The following IRAK3 variants were observed in gnomAD, a reference collection of about 807,000 sequenced individuals.
The protein encoded by IRAK3 is interleukin 1 receptor associated kinase 3.
A neutral mutation model predicts 56.6 loss-of-function variants in IRAK3; 57 were observed. The ratio of observed to expected loss-of-function variants is 1.01; its 90% CI spans 0.81 to 1.26. IRAK3 has a LOEUF of 1.26. Ranked by LOEUF, IRAK3 falls within the 50% of genes most tolerant of loss-of-function variation. IRAK3 has a pLI of 0.00. For missense variants in IRAK3, 703 were observed against 719.0 expected (o/e 0.98, Z 0.25); for synonymous variants, 258 against 255.7 (o/e 1.01, Z -0.09).
intron 5 of IRAK3, 66 bp from the exon 6 acceptor site, chr12:66,217,105 C>T: frequency 8.7e-7 from 1 of 1,151,094 alleles, no homozygotes; most frequent in Non-Finnish European, 1.3e-6. Context: ...GACTATAGAC[C>T]CTGGGTTAAG....
At chr12:66,229,088 G>A (rs1299796842) in intron 8 of IRAK3, among the ~76,000 whole-genome samples, 1 of 152,126 alleles carries the variant, frequency 6.6e-6, no homozygotes, top group African/African-American at 2.4e-5. Flanking sequence ...CTTAAATGGG[G>A]ATTCCTAGCA....
intron 1 of IRAK3, among the ~76,000 whole-genome samples, chr12:66,198,882 G>A (rs1244294330): frequency 6.6e-6 from 1 of 151,412 alleles, no homozygotes; most frequent in East Asian, 1.9e-4. Flanking sequence ...CAGCTACCGA[G>A]TAGTTAGGAC....
intron 2 of IRAK3, among the ~76,000 whole-genome samples, chr12:66,208,760 CA>C (rs1190652234): frequency 1.5e-4 from 19 of 128,780 alleles, no homozygotes; most frequent in East Asian, 6.9e-4. Flanking sequence ...GACTCTGTCT[CA>C]AAAAAAAAAG....
chr12:66,246,925 A>G (rs940284033), intron 11 of IRAK3, among the ~76,000 whole-genome samples: 1 of 152,146 alleles, frequency 6.6e-6, no homozygotes, highest in Non-Finnish European at 1.5e-5. Context: ...TTTGAATGAC[A>G]ATCTCTATGT....
rs558924366 is a variant in IRAK3 at position 66,197,099 on chromosome 12, C to G, written c.134-6612C>G. ...TCAAGGACTTTTGAGCATCTGATTT[C>G]TGAACTTCTTAGGTTGACTTTTTGG... On this transcript the variant is annotated intron_variant, in intron 1 of 11. Coordinates refer to ENST00000261233, the MANE Select transcript of IRAK3 (RefSeq NM_007199.3). 65 of 1,324,762 alleles carry G rather than the reference C, an allele frequency of 4.9e-5. No individual in the cohort carries two copies. The African/African-American group carries it at 6.8e-4, about 14-fold the overall frequency. The allele number at this position is 1,324,762 out of a possible 1,614,324, so 82.1% of individuals were successfully genotyped here. A position where few individuals can be genotyped will look rare whatever the true frequency, so the allele number is the denominator to read the frequency against.
At chr12:66,218,143 GTAT>G (rs1337561326) in intron 6 of IRAK3, among the ~76,000 whole-genome samples, 3 of 152,124 alleles carry the variant, frequency 2.0e-5, no homozygotes, top group African/African-American at 7.2e-5. Flanking sequence ...CAAAGTAACA[GTAT>G]TACCAGTTCC....
chr12:66,212,825 A>G lies in IRAK3; in HGVS notation c.588+1228A>G, dbSNP rs1033283886. 2.0e-5 allele frequency among the ~76,000 whole-genome samples: 3 copies of G among 152,136 alleles called. No homozygotes were observed. The South Asian group carries it at 6.2e-4, about 32-fold the overall frequency. ...TCTCACTTGTAAGTGGGAGTTGAACAATAAGAACACATGGACACAGAGGGG... is the reference window on the plus strand; with the variant it reads ...TCTCACTTGTAAGTGGGAGTTGAACGATAAGAACACATGGACACAGAGGGG... On this transcript the variant is annotated intron_variant, in intron 5 of 11. Transcript: ENST00000261233.
At chr12:66,229,139 G>C (rs2052818709) in intron 8 of IRAK3, among the ~76,000 whole-genome samples, 1 of 152,170 alleles carries the variant, frequency 6.6e-6, no homozygotes, top group Non-Finnish European at 1.5e-5. Context: ...GTTTGTCCTT[G>C]AGTCTCCAGT....
intron 2 of IRAK3, among the ~76,000 whole-genome samples, chr12:66,206,941 T>C (rs1794746157): frequency 6.6e-6 from 1 of 152,214 alleles, no homozygotes; most frequent in African/African-American, 2.4e-5. Context: ...ATAGTTTGTG[T>C]CTTCCTAGAA....
Position 66,210,045 on chromosome 12 carries a change from G to A in IRAK3, c.382-102G>A, listed in dbSNP as rs1307987199. 11 of 762,266 alleles carry A rather than the reference G, an allele frequency of 1.4e-5. 1 individual carries two copies. In the East Asian group the frequency reaches 1.5e-4, roughly 10 times the overall value. The allele number at this position is 762,266 out of a possible 1,614,324, so 47.2% of individuals were successfully genotyped here. On this transcript the variant is annotated intron_variant, in intron 3 of 11. Coordinates refer to ENST00000261233, the MANE Select transcript of IRAK3 (RefSeq NM_007199.3). Reference sequence around the variant, plus strand: ...TTTCTTTTAAATTAGGTTGCACTCTGTTGCACTGCATAGTCCCCAGGGAGC... The same window carrying A: ...TTTCTTTTAAATTAGGTTGCACTCTATTGCACTGCATAGTCCCCAGGGAGC...
intron 1 of IRAK3, chr12:66,197,822 C>T (rs2052469299): frequency 5.1e-6 from 5 of 985,174 alleles, no homozygotes; most frequent in Middle Eastern, 5.2e-4. Flanking sequence ...TAAGGGAAAG[C>T]ATCTGATATT....
chr12:66,216,793 T>C lies in IRAK3; in HGVS notation c.589-378T>C, dbSNP rs562654850. ...TCATAAACACCAAATTAGTGAAATT[T>C]TGTAGCAGAATAGAAATAACACAAG... On this transcript the variant is annotated intron_variant, in intron 5 of 11. Coordinates refer to ENST00000261233, the MANE Select transcript of IRAK3 (RefSeq NM_007199.3). Among the ~76,000 whole-genome samples, 8 of 152,308 alleles carry C rather than the reference T, an allele frequency of 5.3e-5. No individual in the cohort carries two copies. In the East Asian group the frequency reaches 1.5e-3, roughly 29 times the overall value.
At chr12:66,234,175 CAT>C (rs779091872) in intron 8 of IRAK3, 5 of 1,614,170 alleles carry the variant, frequency 3.1e-6, no homozygotes, top group Non-Finnish European at 4.2e-6. Flanking sequence ...CTGTCGTCTG[CAT>C]ATGTTCATAC....
At chr12:66,189,515 G>A (rs1565795878) in intron 1 of IRAK3, 83 bp downstream of exon 1, 2 of 950,432 alleles carry the variant, frequency 2.1e-6, no homozygotes, top group African/African-American at 1.7e-5. Flanking sequence ...GCATGGCTGG[G>A]GTCCCTCGCG....
At position 66,234,092 on chromosome 12, in the gene IRAK3, G is replaced by A. The variant is rs2052875895; in HGVS notation, c.887+5722G>A. On this transcript the variant is annotated intron_variant, in intron 8 of 11. Coordinates refer to ENST00000261233, the MANE Select transcript of IRAK3 (RefSeq NM_007199.3). ...TCACAGTTACTTATTAGGTTGAAAGGTATATGGAGAATGGTCATTAGACGT... is the reference window on the plus strand; with the variant it reads ...TCACAGTTACTTATTAGGTTGAAAGATATATGGAGAATGGTCATTAGACGT... The A allele has an allele frequency of 2.5e-6, 4 of 1,613,920 alleles. No homozygotes were observed. In the South Asian group the frequency reaches 3.3e-5, roughly 13 times the overall value.
chr12:66,207,611 G>T (rs1422549480), intron 2 of IRAK3, among the ~76,000 whole-genome samples: 1 of 151,902 alleles, frequency 6.6e-6, no homozygotes, highest in African/African-American at 2.4e-5. Context: ...TGAAAGTTTA[G>T]TTTACTGATT....
At chr12:66,212,918 A>G (rs2052626926) in intron 5 of IRAK3, among the ~76,000 whole-genome samples, 1 of 152,150 alleles carries the variant, frequency 6.6e-6, no homozygotes, top group Non-Finnish European at 1.5e-5. Context: ...TATTAGGACA[A>G]ATACCTAATG....
At chr12:66,223,344 A>G (rs992317113) in intron 6 of IRAK3, among the ~76,000 whole-genome samples, 1 of 152,046 alleles carries the variant, frequency 6.6e-6, no homozygotes, top group African/African-American at 2.4e-5. Context: ...ATTTTATGTT[A>G]TAGTTTTTGC....
intron 6 of IRAK3, among the ~76,000 whole-genome samples, chr12:66,223,413 A>C (rs1287941385): frequency 6.6e-6 from 1 of 151,958 alleles, no homozygotes; most frequent in Non-Finnish European, 1.5e-5. Context: ...TAATCCCAGC[A>C]CTTTGGGAGG....
Sources: allele counts gnomAD v4.1 joint callset (sites outside exome capture counted in the v4.1 genomes callset), GRCh38; gene constraint gnomAD v4.1.1; transcripts MANE v1.5; gene names NCBI Gene and HGNC (gene_info 2026-07-23, HGNC 2026-07-21).